Variants in KSR2 observed in about 807,000 individuals in gnomAD.
KSR2 encodes kinase suppressor of ras 2.
In KSR2, 25 loss-of-function variants were observed where a neutral mutation model predicts 107.8. The ratio of observed to expected loss-of-function variants is 0.23; its 90% CI spans 0.17 to 0.32. KSR2 has a LOEUF of 0.32. Among genes scored for constraint, KSR2 ranks in the 10% least tolerant of loss-of-function variants. The pLI is 1.00. For missense variants in KSR2, 887 were observed against 1,268.9 expected (o/e 0.70, Z 4.57); for synonymous variants, 480 against 507.0 (o/e 0.95, Z 0.71).
At chr12:117,569,751 G>C (rs1278793510) in intron 7 of KSR2, among the ~76,000 whole-genome samples, 2 of 151,978 alleles carry the variant, frequency 1.3e-5, no homozygotes, top group African/African-American at 4.8e-5. Flanking sequence ...TGTATAATAG[G>C]GATTATAATG....
In KSR2 at chr12:117,525,036, G is replaced by A; in HGVS notation, c.2035C>T (p.Gln679Ter). 1 of 1,613,986 alleles carries A rather than the reference G, an allele frequency of 6.2e-7. No individual in the cohort carries two copies. The highest frequency in any genetic ancestry group is 1.3e-5 in the African/African-American group (1 of 75,050). ...GELIGKGRFG[Q>*]VYHGRWHGEV... ...CCATGCCAGCGGCCGTGGTACACTTGCCCAAAGCGGCCCTTTCCAATGAGC... is the reference window on the plus strand; with the variant it reads ...CCATGCCAGCGGCCGTGGTACACTTACCCAAAGCGGCCCTTTCCAATGAGC... The change falls in exon 14 of 20, where the codon CAA (glutamine) becomes TAA (stop). Residue 679 changes from glutamine (Q) to a stop codon, truncating the protein, a stop_gained. Transcript: ENST00000339824. LOFTEE classifies it high-confidence loss of function.
chr12:117,481,153 G>A (rs1273353062), intron 16 of KSR2, among the ~76,000 whole-genome samples: 8 of 152,152 alleles, frequency 5.3e-5, no homozygotes, highest in African/African-American at 1.9e-4. Context: ...TGAGATAGGT[G>A]CTATTAGTGC....
chr12:117,877,807 C>A (rs1331058106), intron 1 of KSR2, among the ~76,000 whole-genome samples: 1 of 152,158 alleles, frequency 6.6e-6, no homozygotes, highest in Non-Finnish European at 1.5e-5. Context: ...GTTAAAAATA[C>A]ACATGCCAAG....
chr12:117,960,055 C>T (rs1896616772), intron 1 of KSR2, among the ~76,000 whole-genome samples: 1 of 152,162 alleles, frequency 6.6e-6, no homozygotes, highest in South Asian at 2.1e-4. Flanking sequence ...TCTCCAACCA[C>T]AGTGGACTCC....
intron 3 of KSR2, among the ~76,000 whole-genome samples, chr12:117,811,171 G>T (rs1310562748): frequency 6.6e-6 from 1 of 152,058 alleles, no homozygotes; most frequent in African/African-American, 2.4e-5. Context: ...CTATGGCCAG[G>T]GTGACTTCTG....
In KSR2 at chr12:117,957,649, T is replaced by C. The variant is rs1476010666; in HGVS notation, c.180+10427A>G. ...TCCTAGTTTTCTACTCATTGAAAGG[T>C]GATGGATTACAAATTGCCTGGTAGA... On this transcript the variant is annotated intron_variant, in intron 1 of 19. Transcript: ENST00000339824. Among the ~76,000 whole-genome samples the C allele has an allele frequency of 2.6e-5, 4 of 152,102 alleles. No homozygotes were observed. The East Asian group carries it at 7.7e-4, about 29-fold the overall frequency.
intron 8 of KSR2, among the ~76,000 whole-genome samples, chr12:117,557,056 T>C (rs1007714419): frequency 6.6e-6 from 1 of 151,856 alleles, no homozygotes; most frequent in Non-Finnish European, 1.5e-5. Context: ...TTTCAGCTAC[T>C]CAGGAGGCTG....
chr12:117,796,244 A>G (rs745564275), intron 3 of KSR2, among the ~76,000 whole-genome samples: 4 of 152,184 alleles, frequency 2.6e-5, no homozygotes, highest in Non-Finnish European at 4.4e-5. Flanking sequence ...CTGCATTTAA[A>G]TACAAGCATT....
chr12:117,750,249 T>TAAAAAAAAAAAAAAAAAAAA (rs34642697), intron 4 of KSR2, among the ~76,000 whole-genome samples: 1 of 122,272 alleles, frequency 8.2e-6, no homozygotes, highest in African/African-American at 3.1e-5. Flanking sequence ...GACTCTGTCT[T>TAAAAAAAAAAAAAAAAAAAA]AAAAAAAAAA....
intron 14 of KSR2, among the ~76,000 whole-genome samples, chr12:117,521,908 G>A (rs1874779637): frequency 6.6e-6 from 1 of 152,202 alleles, no homozygotes; most frequent in African/African-American, 2.4e-5. Context: ...AGTGGACAGT[G>A]CTGAACAGAA....
chr12:117,492,712 G>A lies in KSR2; in HGVS notation c.2220-7021C>T, dbSNP rs139856583. On this transcript the variant is annotated intron_variant, in intron 14 of 19. Transcript: ENST00000339824. ...ACAGATTATCCTGGATTAGCCAGGC[G>A]GGCCAGATGGATGTAATCGCAGGGT... is the stretch of plus-strand genomic sequence containing the variant. Among the ~76,000 whole-genome samples, 281 of 152,268 alleles carry A rather than the reference G, an allele frequency of 1.8e-3. 1 individual carries two copies. Among genetic ancestry groups the A allele is most frequent in the African/African-American group, 6.5e-3 (270 of 41,564 alleles).
intron 3 of KSR2, among the ~76,000 whole-genome samples, chr12:117,819,059 A>T (rs1274575377): frequency 6.6e-6 from 1 of 152,026 alleles, no homozygotes; most frequent in African/African-American, 2.4e-5. Context: ...TTACATCATT[A>T]GTTGTTCAAT....
chr12:117,803,253 C>T (rs1228332124), intron 3 of KSR2, among the ~76,000 whole-genome samples: 1 of 152,182 alleles, frequency 6.6e-6, no homozygotes, highest in Non-Finnish European at 1.5e-5. Flanking sequence ...CACAGCGTTC[C>T]ATTCCAGAGC....
intron 9 of KSR2, among the ~76,000 whole-genome samples, chr12:117,546,900 G>T (rs540791096): frequency 1.3e-5 from 2 of 152,286 alleles, no homozygotes; most frequent in African/African-American, 4.8e-5. Flanking sequence ...TTAGTCTCAA[G>T]AACGTTCATA....
chr12:117,887,882 T>A (rs1894223313), intron 1 of KSR2, among the ~76,000 whole-genome samples: 1 of 152,312 alleles, frequency 6.6e-6, no homozygotes, highest in Non-Finnish European at 1.5e-5. Flanking sequence ...GGCAGCCACA[T>A]GGCTATGATC....
chr12:117,485,777 G>A (rs1004211622), intron 14 of KSR2, 86 bp from the exon 15 acceptor site: 3 of 883,708 alleles, frequency 3.4e-6, no homozygotes, highest in Non-Finnish European at 5.6e-6. Flanking sequence ...ACAAATGATG[G>A]CATAGACACG....
At chr12:117,848,841 G>GTGATGGTGATGATGGTGGTGATGGTGA (rs1892812491) in intron 3 of KSR2, among the ~76,000 whole-genome samples, 1 of 141,780 alleles carries the variant, frequency 7.1e-6, no homozygotes, top group African/African-American at 2.7e-5. Flanking sequence ...GGTAGTGGTG[G>GTGATGGTGATGATGGTGGTGATGGTGA]TGATGGTGAT....
chr12:117,664,346 A>G (rs1884564181), intron 5 of KSR2, among the ~76,000 whole-genome samples: 2 of 152,178 alleles, frequency 1.3e-5, no homozygotes, highest in East Asian at 3.9e-4. Flanking sequence ...CACCCTTCAC[A>G]GTGCAGACCA....
intron 3 of KSR2, among the ~76,000 whole-genome samples, chr12:117,806,069 G>A (rs1890996203): frequency 6.6e-6 from 1 of 152,182 alleles, no homozygotes; most frequent in African/African-American, 2.4e-5. Context: ...AATGTAATAT[G>A]ATCCCCAGCT....
Sources: allele counts gnomAD v4.1 joint callset (sites outside exome capture counted in the v4.1 genomes callset), GRCh38; gene constraint gnomAD v4.1.1; transcripts MANE v1.5; gene names NCBI Gene and HGNC (gene_info 2026-07-23, HGNC 2026-07-21).